The following TMEM108 variants were observed in gnomAD, a reference collection of about 807,000 sequenced individuals.
TMEM108 encodes cancer/testis antigen 124.
Under a neutral mutation model 35.1 loss-of-function variants are expected in TMEM108, and 12 were observed. The observed-to-expected ratio is 0.34, with a 90% confidence interval of 0.22 to 0.55. TMEM108 has a LOEUF of 0.55. Ranked by LOEUF, TMEM108 falls within the 20% of genes least tolerant of loss-of-function variation. TMEM108 has a pLI of 0.89. For synonymous variants in TMEM108, 287 were observed against 308.6 expected (o/e 0.93, Z 0.73); for missense variants, 680 against 753.3 (o/e 0.90, Z 1.14).
At chr3:133,054,177 G>A (rs1295301397) in intron 2 of TMEM108, among the ~76,000 whole-genome samples, 1 of 152,154 alleles carries the variant, frequency 6.6e-6, no homozygotes, top group Non-Finnish European at 1.5e-5. Context: ...AATATAAATA[G>A]TATTTGTGGG....
At chr3:133,332,456 A>G (rs764795993) in intron 3 of TMEM108, among the ~76,000 whole-genome samples, 2 of 152,214 alleles carry the variant, frequency 1.3e-5, no homozygotes, top group Non-Finnish European at 2.9e-5. Context: ...TAAACAGGGA[A>G]AGCTGGGAGA....
intron 3 of TMEM108, among the ~76,000 whole-genome samples, chr3:133,242,629 A>G (rs995861155): frequency 2.6e-5 from 4 of 152,242 alleles, no homozygotes; most frequent in African/African-American, 9.6e-5. Context: ...TCATGCTCAC[A>G]TGTAGCACTG....
At chr3:133,381,675 CT>C (rs1449476843) in intron 4 of TMEM108, among the ~76,000 whole-genome samples, 1 of 152,186 alleles carries the variant, frequency 6.6e-6, no homozygotes, top group African/African-American at 2.4e-5. Flanking sequence ...TCCTCTTTAT[CT>C]TCCATCCTCT....
chr3:133,386,341 G>T (rs981118018), intron 4 of TMEM108: 2 of 1,492,692 alleles, frequency 1.3e-6, no homozygotes, highest in Non-Finnish European at 1.8e-6. Flanking sequence ...AAACAGGCCC[G>T]GGAAAGAGCA....
intron 3 of TMEM108, among the ~76,000 whole-genome samples, chr3:133,291,886 C>T (rs1310548146): frequency 6.6e-6 from 1 of 152,164 alleles, no homozygotes; most frequent in Non-Finnish European, 1.5e-5. Flanking sequence ...TGCCTTCCTC[C>T]CTTCCCAAAA....
intron 3 of TMEM108, among the ~76,000 whole-genome samples, chr3:133,318,880 C>A (rs2071229398): frequency 6.8e-6 from 1 of 147,244 alleles, no homozygotes; most frequent in African/African-American, 2.6e-5. Context: ...AAAATAATTT[C>A]TAGATCCTTT....
intron 3 of TMEM108, among the ~76,000 whole-genome samples, chr3:133,308,192 A>T (rs927545297): frequency 3.3e-5 from 5 of 152,018 alleles, no homozygotes; most frequent in African/African-American, 2.4e-5. Context: ...AATGCTTGTG[A>T]TTTTTGCATA....
intron 3 of TMEM108, among the ~76,000 whole-genome samples, chr3:133,243,540 G>A: frequency 6.8e-6 from 1 of 146,730 alleles, no homozygotes; most frequent in Admixed American, 6.8e-5. Context: ...GGGGTGGGGG[G>A]GACGGAGTCT....
At chr3:133,217,947 T>C (rs1297496890) in intron 2 of TMEM108, among the ~76,000 whole-genome samples, 1 of 152,044 alleles carries the variant, frequency 6.6e-6, no homozygotes, top group East Asian at 1.9e-4. Context: ...TTTTCTCTCT[T>C]TCTGTAAAAA....
chr3:133,128,267 A>T (rs1386345508), intron 2 of TMEM108, among the ~76,000 whole-genome samples: 1 of 152,252 alleles, frequency 6.6e-6, no homozygotes, highest in Admixed American at 6.5e-5. Flanking sequence ...ATATCAAGTG[A>T]AAAGCACTTA....
At chr3:133,360,981 A>C (rs2072330704) in intron 3 of TMEM108, among the ~76,000 whole-genome samples, 2 of 152,238 alleles carry the variant, frequency 1.3e-5, no homozygotes. Context: ...GTTCTAGGAC[A>C]TCACAGCCCT....
At chr3:133,311,775 TGGA>T (rs575399967) in intron 3 of TMEM108, among the ~76,000 whole-genome samples, 107 of 152,364 alleles carry the variant, frequency 7.0e-4, no homozygotes, top group Middle Eastern at 3.4e-3. Flanking sequence ...TGCGACACTT[TGGA>T]GGAGAAGAGG....
intron 2 of TMEM108, among the ~76,000 whole-genome samples, chr3:133,183,216 C>T (rs926687645): frequency 1.3e-5 from 2 of 152,144 alleles, no homozygotes; most frequent in African/African-American, 4.8e-5. Flanking sequence ...AATGTTTGTA[C>T]CATCACTTTG....
intron 2 of TMEM108, among the ~76,000 whole-genome samples, chr3:133,193,642 C>T (rs73009316): frequency 0.022 from 3,413 of 152,264 alleles, 138 homozygotes; most frequent in African/African-American, 0.076. Context: ...GCTGGGCACA[C>T]AGTCATTGCA....
intron 2 of TMEM108, among the ~76,000 whole-genome samples, chr3:133,071,848 C>G (rs1943679612): frequency 6.6e-6 from 1 of 152,082 alleles, no homozygotes; most frequent in Non-Finnish European, 1.5e-5. Context: ...TTGATGTAGT[C>G]CCATTTGTCT....
chr3:133,328,017 A>G (rs1402955027), intron 3 of TMEM108, among the ~76,000 whole-genome samples: 3 of 152,108 alleles, frequency 2.0e-5, no homozygotes, highest in African/African-American at 7.2e-5. Context: ...GTTGTGGACT[A>G]ATTTTTCATC....
At chr3:133,209,727 C>T (rs1945809445) in intron 2 of TMEM108, among the ~76,000 whole-genome samples, 1 of 152,152 alleles carries the variant, frequency 6.6e-6, no homozygotes, top group South Asian at 2.1e-4. Flanking sequence ...CAACTGTTTT[C>T]TCTCAGTCTA....
chr3:133,290,349 A>G (rs1947045743), intron 3 of TMEM108, among the ~76,000 whole-genome samples: 1 of 152,162 alleles, frequency 6.6e-6, no homozygotes, highest in Non-Finnish European at 1.5e-5. Flanking sequence ...AGCCAGGTGC[A>G]GTGACTTACG....
In TMEM108 at chr3:133,040,507, ATT is replaced by A. The variant is rs552636987; in HGVS notation, c.-166+2082_-166+2083del. On this transcript the variant is annotated intron_variant, in intron 1 of 5. Coordinates refer to ENST00000321871, the MANE Select transcript of TMEM108 (RefSeq NM_023943.4). ...CATGAGCCACCATGCCGGCCAGAAA[ATT>A]TTTTTTTTTAAGTGGCATGGAGTAG... Among the ~76,000 whole-genome samples the A allele has an allele frequency of 5.7e-4, 85 of 148,982 alleles. 2 individuals carry two copies. In the South Asian group the frequency reaches 0.017, roughly 30 times the overall value.
Sources: allele counts gnomAD v4.1 joint callset (sites outside exome capture counted in the v4.1 genomes callset), GRCh38; gene constraint gnomAD v4.1.1; transcripts MANE v1.5; gene names NCBI Gene and HGNC (gene_info 2026-07-23, HGNC 2026-07-21).